DNAJB6: variants seen among roughly 807,000 people sequenced by gnomAD.
The protein encoded by DNAJB6 is DnaJ heat shock protein family (Hsp40) member B6, also known as dnaJ homolog subfamily B member 6.
Under a neutral mutation model 42.7 loss-of-function variants are expected in DNAJB6, and 16 were observed. That is an observed-to-expected ratio of 0.37 (90% confidence interval 0.25 to 0.57). The LOEUF (loss-of-function observed/expected upper bound fraction) is 0.57, where lower values mean the gene tolerates loss of function less well. DNAJB6 is among the 20% of genes least tolerant of loss of function. The probability of loss-of-function intolerance (pLI) is 0.74; values close to 1 mark genes in which losing one functional copy is unlikely to be tolerated. For missense variants in DNAJB6, 347 were observed against 416.8 expected (o/e 0.83, Z 1.46); for synonymous variants, 170 against 163.5 (o/e 1.04, Z -0.30).
chr7:157,376,121 A>G (rs371374799), intron 5 of DNAJB6, among the ~76,000 whole-genome samples: 14 of 152,162 alleles, frequency 9.2e-5, no homozygotes, highest in African/African-American at 3.4e-4. Flanking sequence ...TTCCTGTTCC[A>G]TCAGGTTCTC....
intron 8 of DNAJB6, among the ~76,000 whole-genome samples, chr7:157,388,105 C>T (rs1409026536): frequency 6.6e-6 from 1 of 152,184 alleles, no homozygotes; most frequent in African/African-American, 2.4e-5. Context: ...CTTGGCCTCC[C>T]AAAGTGCTGG....
chr7:157,380,500 C>T (rs552107948), intron 5 of DNAJB6: 8 of 152,338 alleles, frequency 5.3e-5, no homozygotes, highest in African/African-American at 1.9e-4. Flanking sequence ...GGGTGGGGGG[C>T]ATTGACTGTG....
At chr7:157,365,577 A>C (rs951605706) in intron 3 of DNAJB6, among the ~76,000 whole-genome samples, 30 of 152,256 alleles carry the variant, frequency 2.0e-4, no homozygotes, top group African/African-American at 7.0e-4. Flanking sequence ...TGGTTGCAAT[A>C]ATCTTGTACT....
At chr7:157,368,008 G>A (rs1347425748) in intron 5 of DNAJB6, among the ~76,000 whole-genome samples, 1 of 150,318 alleles carries the variant, frequency 6.7e-6, no homozygotes, top group Non-Finnish European at 1.5e-5. Flanking sequence ...GTGTGCCTGT[G>A]GTCCCAGCTA....
intron 8 of DNAJB6, among the ~76,000 whole-genome samples, 154 bp from the exon 9 acceptor site, chr7:157,409,641 G>A (rs1019608913): frequency 1.3e-5 from 2 of 152,334 alleles, no homozygotes; most frequent in East Asian, 3.9e-4. Context: ...CCCCAGTGGC[G>A]CCACTGAAGA....
At position 157,382,238 on chromosome 7, in the gene DNAJB6, G is replaced by T; in HGVS notation, c.347-8G>T. On this transcript the variant is annotated splice_polypyrimidine_tract_variant and splice_region_variant and intron_variant, in intron 5 of 9. Coordinates refer to ENST00000262177, the MANE Select transcript of DNAJB6 (RefSeq NM_058246.4). ...GACTTCATAGTGTGTGTTTATGTTT[G>T]ATTTTAGAAGACCCTTTTGAGGACT... 1 of 1,585,520 alleles carries T rather than the reference G, an allele frequency of 6.3e-7. No homozygotes were observed. Among genetic ancestry groups the T allele is most frequent in the Non-Finnish European group, 8.5e-7 (1 of 1,172,040 alleles).
At chr7:157,351,078 G>A (rs1048875219) in intron 1 of DNAJB6, among the ~76,000 whole-genome samples, 9 of 152,042 alleles carry the variant, frequency 5.9e-5, no homozygotes, top group Non-Finnish European at 1.0e-4. Context: ...GGGATTACAG[G>A]AATGTGCCAC....
intron 5 of DNAJB6, among the ~76,000 whole-genome samples, chr7:157,375,704 CAGTT>C (rs988542891): frequency 9.2e-5 from 14 of 152,190 alleles, no homozygotes; most frequent in African/African-American, 3.1e-4. Context: ...AGATTCCTAA[CAGTT>C]AGGTTATTTG....
rs755018774 is a variant in DNAJB6, at chr7:157,366,603, C to G, written c.235+42C>G. ...TTTCTTTGAAGACAAAAGGTCTTGG[C>G]AAGTAAGTTGAGTTTGTAAATCACG... On this transcript the variant is annotated intron_variant, in intron 4 of 9. Transcript: ENST00000262177. 21 of 1,569,478 alleles carry G rather than the reference C, an allele frequency of 1.3e-5. 2 individuals are homozygous for G. In the South Asian group the frequency reaches 2.4e-4, roughly 18 times the overall value.
At chr7:157,355,179 G>A (rs1017034875) in intron 1 of DNAJB6, among the ~76,000 whole-genome samples, 3 of 152,012 alleles carry the variant, frequency 2.0e-5, no homozygotes, top group Admixed American at 1.3e-4. Flanking sequence ...ATTTTGAGAT[G>A]GAGTCTCACT....
intron 8 of DNAJB6, among the ~76,000 whole-genome samples, chr7:157,396,918 C>CTT (rs2117148291): frequency 6.6e-6 from 1 of 152,288 alleles, no homozygotes; most frequent in South Asian, 2.1e-4. Context: ...CCACAGTGTG[C>CTT]TTTAGTTGGT....
At position 157,345,043 on chromosome 7, in the gene DNAJB6, G is replaced by GA. The variant is rs1336348913; in HGVS notation, c.-27+7900dup. On this transcript the variant is annotated intron_variant, in intron 1 of 9. Coordinates refer to ENST00000262177, the MANE Select transcript of DNAJB6 (RefSeq NM_058246.4). ...AGTTTCGCCCTTGTTGCCCAGGCTA[G>GA]AGTGCAATGGAGTGGTCTCGGCTCA... Among the ~76,000 whole-genome samples the GA allele has an allele frequency of 5.3e-5, 8 of 152,114 alleles. No homozygotes were observed. In the East Asian group the frequency reaches 1.5e-3, roughly 29 times the overall value.
At chr7:157,392,551 C>T (rs1395217967) in intron 8 of DNAJB6, among the ~76,000 whole-genome samples, 2 of 152,010 alleles carry the variant, frequency 1.3e-5, no homozygotes, top group Non-Finnish European at 2.9e-5. Flanking sequence ...CCAGCTTTGT[C>T]CCAGATTTCT....
intron 5 of DNAJB6, chr7:157,381,037 G>A (rs1800741115): frequency 6.6e-6 from 1 of 151,298 alleles, no homozygotes; most frequent in African/African-American, 2.4e-5. Flanking sequence ...TTGCTGTGTT[G>A]TCCAGCCTGG....
chr7:157,344,960 ATC>A (rs897671326), intron 1 of DNAJB6, among the ~76,000 whole-genome samples: 5 of 151,864 alleles, frequency 3.3e-5, no homozygotes, highest in Admixed American at 6.6e-5. Context: ...CTTTTATTTT[ATC>A]ATTTTTAACT....
At position 157,385,564 on chromosome 7, in the gene DNAJB6, G is replaced by C; in HGVS notation, c.644G>C (p.Arg215Thr). ...TKRIVENGQERVEVEEDGQLK... is the reference protein window; with the variant it reads ...TKRIVENGQETVEVEEDGQLK... ...AGAATTGTCGAGAACGGTCAAGAAA[G>C]AGTAGAAGTTGAAGAAGATGGCCAG... is the stretch of plus-strand genomic sequence containing the variant. Residue 215 changes from arginine to threonine, a missense_variant, in exon 8 of 10, where the codon AGA becomes ACA. By Grantham distance (71) the Arg-to-Thr change is moderately conservative (BLOSUM62 -1). Around this residue, in one of 3 missense-constraint regions of DNAJB6, gnomAD observed 264 missense variants for 288.0 expected, o/e 0.92. Transcript: ENST00000262177. 6.2e-7 allele frequency: 1 copy of C among 1,613,838 alleles called. No homozygotes were observed.
At chr7:157,339,518 T>G (rs1254480594) in intron 1 of DNAJB6, among the ~76,000 whole-genome samples, 1 of 151,838 alleles carries the variant, frequency 6.6e-6, no homozygotes, top group Non-Finnish European at 1.5e-5. Context: ...GCCAGGATGG[T>G]CTTGATCTCC....
intron 8 of DNAJB6, chr7:157,386,292 G>T: frequency 1.0e-6 from 1 of 984,890 alleles, no homozygotes; most frequent in Non-Finnish European, 1.2e-6. Context: ...AAATGCGAAT[G>T]TGTTGGTGCA....
intron 8 of DNAJB6, among the ~76,000 whole-genome samples, chr7:157,399,251 C>T (rs1244658517): frequency 2.6e-5 from 4 of 152,196 alleles, no homozygotes; most frequent in Non-Finnish European, 5.9e-5. Context: ...CCTGTGGCCC[C>T]CCGCCATCCC....
Sources: allele counts gnomAD v4.1 joint callset (sites outside exome capture counted in the v4.1 genomes callset), GRCh38; gene constraint gnomAD v4.1.1; regional missense constraint gnomAD v4.1.1; transcripts MANE v1.5; gene names NCBI Gene and HGNC (gene_info 2026-07-23, HGNC 2026-07-21).